The following RBFOX1 variants were observed in gnomAD, a reference collection of about 807,000 sequenced individuals.
RBFOX1 encodes the protein RNA binding fox-1 homolog 1.
RBFOX1 carries 8 observed loss-of-function variants against 57.7 expected under a neutral mutation model. The ratio of observed to expected loss-of-function variants is 0.14; its 90% confidence interval spans 0.08 to 0.25. RBFOX1 has a LOEUF of 0.25. RBFOX1 is among the 10% of genes least tolerant of loss of function. RBFOX1 has a pLI of 1.00. For synonymous variants in RBFOX1, 326 were observed against 222.4 expected (o/e 1.47, Z -4.15); for missense variants, 611 against 548.5 (o/e 1.11, Z -1.14).
chr16:6,102,058 T>G (rs1391354073), intron 1 of RBFOX1, among the ~76,000 whole-genome samples: 2 of 152,160 alleles, frequency 1.3e-5, no homozygotes, highest in Admixed American at 1.3e-4. Context: ...TGGCTGCATT[T>G]TGTTTCCTAT....
chr16:7,473,168 C>T (rs1436515921), intron 4 of RBFOX1, among the ~76,000 whole-genome samples: 1 of 152,008 alleles, frequency 6.6e-6, no homozygotes, highest in Non-Finnish European at 1.5e-5. Context: ...GCTTTAAGCC[C>T]AGGAGTTTGA....
intron 10 of RBFOX1, among the ~76,000 whole-genome samples, chr16:7,623,013 C>CA (rs1479055360): frequency 3.2e-4 from 49 of 152,162 alleles, no homozygotes; most frequent in African/African-American, 1.1e-3. Context: ...AAAAATCTGT[C>CA]AATTGAAAGC....
chr16:6,680,629 A>C (rs2058510602), intron 3 of RBFOX1, among the ~76,000 whole-genome samples: 1 of 152,148 alleles, frequency 6.6e-6, no homozygotes, highest in African/African-American at 2.4e-5. Flanking sequence ...AATAACAATA[A>C]AGTTTCAATT....
At chr16:5,764,577 T>A (rs957878726) in intron 3 of RBFOX1, among the ~76,000 whole-genome samples, 5 of 152,064 alleles carry the variant, frequency 3.3e-5, no homozygotes, top group Non-Finnish European at 7.3e-5. Flanking sequence ...GAGAGCGCAA[T>A]GGATAGGGGA....
Position 5,567,738 on chromosome 16 carries a change from A to G in RBFOX1, c.259-31164A>G, listed in dbSNP as rs140313798. On this transcript the variant is annotated intron_variant, in intron 2 of 2. Transcript: ENST00000585867. ...GACATCATCCTCACTGCCACCATCAACATTGTCATTACCATCATCATTGTC... is the reference window on the plus strand; with the variant it reads ...GACATCATCCTCACTGCCACCATCAGCATTGTCATTACCATCATCATTGTC... Among the ~76,000 whole-genome samples, 8 of 152,028 alleles carry G rather than the reference A, an allele frequency of 5.3e-5. No homozygotes were observed. In the East Asian group the frequency reaches 1.5e-3, roughly 29 times the overall value.
chr16:5,593,455 C>G (rs1050961709), intron 2 of RBFOX1, among the ~76,000 whole-genome samples: 2 of 152,134 alleles, frequency 1.3e-5, no homozygotes, highest in Admixed American at 6.5e-5. Context: ...CAAACCTGCA[C>G]TTTCTGCACA....
chr16:5,801,049 C>T (rs954827043), intron 3 of RBFOX1, among the ~76,000 whole-genome samples: 1 of 152,234 alleles, frequency 6.6e-6, no homozygotes, highest in African/African-American at 2.4e-5. Context: ...AGGATTGCCA[C>T]TTTTGATGAA....
intron 1 of RBFOX1, among the ~76,000 whole-genome samples, chr16:6,124,818 G>A (rs1180484917): frequency 6.6e-6 from 1 of 152,094 alleles, no homozygotes; most frequent in East Asian, 1.9e-4. Context: ...ATGAGTCACC[G>A]TGCCTGGCGC....
At chr16:6,907,528 T>C (rs1234791351) in intron 3 of RBFOX1, among the ~76,000 whole-genome samples, 1 of 152,096 alleles carries the variant, frequency 6.6e-6, no homozygotes, top group Non-Finnish European at 1.5e-5. Context: ...GGAGAGAGAA[T>C]CGGTCCTATG....
chr16:5,642,835 G>C (rs73529730), intron 3 of RBFOX1, among the ~76,000 whole-genome samples: 1 of 152,082 alleles, frequency 6.6e-6, no homozygotes, highest in Non-Finnish European at 1.5e-5. Flanking sequence ...TAATACTAGA[G>C]GCAAGGTGCT....
intron 4 of RBFOX1, among the ~76,000 whole-genome samples, chr16:7,347,726 C>A (rs1437537960): frequency 5.3e-5 from 8 of 152,142 alleles, no homozygotes; most frequent in Non-Finnish European, 8.8e-5. Context: ...TCTGATGGAC[C>A]CAACCTATCG....
intron 4 of RBFOX1, among the ~76,000 whole-genome samples, chr16:7,215,771 CG>C (rs753240977): frequency 7.0e-5 from 10 of 143,090 alleles, no homozygotes; most frequent in Non-Finnish European, 1.5e-4. Flanking sequence ...GTTGTCCAGG[CG>C]GGAGTGCAGT....
chr16:6,407,104 G>A (rs984682348), intron 2 of RBFOX1, among the ~76,000 whole-genome samples: 5 of 152,102 alleles, frequency 3.3e-5, no homozygotes, highest in African/African-American at 1.2e-4. Flanking sequence ...AATTGAGATG[G>A]CTATGTAACA....
intron 2 of RBFOX1, among the ~76,000 whole-genome samples, chr16:5,557,697 G>C (rs2045731694): frequency 6.6e-6 from 1 of 152,212 alleles, no homozygotes; most frequent in Admixed American, 6.5e-5. Context: ...GGTGCAGACA[G>C]GGAACAGGGA....
chr16:7,543,417 C>A (rs1411148285), intron 5 of RBFOX1, among the ~76,000 whole-genome samples: 1 of 152,190 alleles, frequency 6.6e-6, no homozygotes, highest in Non-Finnish European at 1.5e-5. Context: ...GCAGCTATCA[C>A]TGCCAAGGAC....
chr16:5,547,071 G>A (rs1372780436), intron 2 of RBFOX1, among the ~76,000 whole-genome samples: 2 of 152,104 alleles, frequency 1.3e-5, no homozygotes, highest in Non-Finnish European at 2.9e-5. Flanking sequence ...CATCTTCTAG[G>A]ATGACTGAAA....
intron 1 of RBFOX1, among the ~76,000 whole-genome samples, chr16:5,272,301 A>C (rs2063031766): frequency 6.6e-6 from 1 of 152,248 alleles, no homozygotes; most frequent in South Asian, 2.1e-4. Context: ...CATTGTATAC[A>C]GATATCAAAA....
chr16:6,840,897 A>AGAAAAAAG (rs1555518571), intron 3 of RBFOX1, among the ~76,000 whole-genome samples: 1 of 137,498 alleles, frequency 7.3e-6, no homozygotes, highest in African/African-American at 2.8e-5. Context: ...CAAAAAAAAA[A>AGAAAAAAG]AAAAAAACGA....
intron 2 of RBFOX1, among the ~76,000 whole-genome samples, chr16:6,561,447 C>G (rs191297433): frequency 3.9e-5 from 6 of 152,270 alleles, no homozygotes; most frequent in Non-Finnish European, 4.4e-5. Flanking sequence ...ACCCAATAGG[C>G]TGTAACAGTT....
Sources: gnomAD v4.1 joint callset for allele counts (sites outside exome capture counted in the v4.1 genomes callset) on GRCh38, gnomAD v4.1.1 for gene constraint, MANE v1.5 for transcripts, NCBI Gene and HGNC (gene_info 2026-07-23, HGNC 2026-07-21) for gene names.